Variants in ATG101 observed in about 807,000 individuals in gnomAD.
The protein encoded by ATG101 is autophagy related 101.
In ATG101, 6 loss-of-function variants were observed where a neutral mutation model predicts 16.7. The ratio of observed to expected loss-of-function variants is 0.36; its 90% CI spans 0.20 to 0.71. The LOEUF is 0.71. ATG101 is among the 30% of genes least tolerant of loss of function. The probability of loss-of-function intolerance (pLI) is 0.57; values close to 1 mark genes in which losing one functional copy is unlikely to be tolerated. For missense variants in ATG101, 200 were observed against 292.5 expected, an observed-to-expected ratio of 0.68 and a Z score of 2.31; for synonymous variants, 108 against 118.1, an observed-to-expected ratio of 0.91 and a Z score of 0.56.
At chr12:52,068,572 G>A (rs1482274712), upstream of ATG101, among the ~76,000 whole-genome samples, 1 of 151,886 alleles carries the variant, frequency 6.6e-6, no homozygotes, top group Non-Finnish European at 1.5e-5. Context: ...GACCAGGCTG[G>A]TCTTGAACCC....
intron 2 of ATG101, among the ~76,000 whole-genome samples, chr12:52,073,301 T>C (rs1939678946): frequency 6.6e-6 from 1 of 152,232 alleles, no homozygotes; most frequent in African/African-American, 2.4e-5. Flanking sequence ...GTGCTTGCCT[T>C]TGATGTCTAG....
rs1939748397 is a variant in ATG101 at position 52,077,257 on chromosome 12, G to A, written c.*67G>A. On this transcript the variant is annotated 3_prime_UTR_variant, in exon 4 of 4. Coordinates refer to ENST00000336854, the MANE Select transcript of ATG101 (RefSeq NM_021934.5). ...CTTGGCTTTTGGGAATTGCACTTTT[G>A]GGCCTTTGGGCTCTGGAACCTGCTC... The A allele has an allele frequency of 2.0e-6, 3 of 1,531,288 alleles. No individual in the cohort carries two copies. In the South Asian group the frequency reaches 3.7e-5, roughly 19 times the overall value. The allele number at this position is 1,531,288 out of a possible 1,614,324, so 94.9% of individuals were successfully genotyped here.
In ATG101 at chr12:52,077,352, G is replaced by A. The variant is rs901809194; in HGVS notation, c.*162G>A. On this transcript the variant is annotated 3_prime_UTR_variant, in exon 4 of 4. Coordinates refer to ENST00000336854, the MANE Select transcript of ATG101 (RefSeq NM_021934.5). ...TTGGTTTTGTGGTTGCCAGCCTCAG[G>A]TCATCCTTTTAATCTTTGCTGACGG... 3 of 778,494 alleles carry A rather than the reference G, an allele frequency of 3.9e-6. No individual in the cohort carries two copies. Among genetic ancestry groups the A allele is most frequent in the Admixed American group, 2.9e-5 (1 of 34,328 alleles). 48.2% of individuals were successfully genotyped at this position (778,494 alleles called of 1,614,324 possible).
chr12:52,074,206 T>C (rs1565662033), intron 3 of ATG101, among the ~76,000 whole-genome samples: 1 of 152,254 alleles, frequency 6.6e-6, no homozygotes, highest in Non-Finnish European at 1.5e-5. Context: ...TTCTGTGGTC[T>C]TGACCTCTCT....
intron 2 of ATG101, among the ~76,000 whole-genome samples, chr12:52,071,624 C>T (rs1038392331): frequency 6.6e-6 from 1 of 152,094 alleles, no homozygotes; most frequent in Non-Finnish European, 1.5e-5. Flanking sequence ...CGAGACCAGC[C>T]TGGGTAACAT....
At position 52,073,580 on chromosome 12, in the gene ATG101, C is replaced by T; in HGVS notation, c.-71C>T. 6.4e-7 allele frequency: 1 copy of T among 1,560,876 alleles called. No homozygotes were observed. Among genetic ancestry groups the T allele is most frequent in the Admixed American group, 1.8e-5 (1 of 55,704 alleles). On this transcript the variant is annotated 5_prime_UTR_variant, in exon 3 of 4. Transcript: ENST00000336854. ...GACCTGGGCTCCTTTTGCAGGGTGG[C>T]CCTTGGGTAGGGTGAAGATCCCCTG...
In ATG101 at chr12:52,076,676, T is replaced by C. The variant is rs1592318831; in HGVS notation, c.253-110T>C. On this transcript the variant is annotated intron_variant, in intron 3 of 3. Transcript: ENST00000336854. Reference sequence around the variant, plus strand: ...CCCAGTCTTGTTTCCTTGCCATGCTTGGATGATGACTAGAGCTAAGAGAGC... The same window carrying C: ...CCCAGTCTTGTTTCCTTGCCATGCTCGGATGATGACTAGAGCTAAGAGAGC... The C allele has an allele frequency of 2.3e-6, 3 of 1,296,510 alleles. No homozygotes were observed. The East Asian group carries it at 7.3e-5, about 32-fold the overall frequency. The allele number at this position is 1,296,510 out of a possible 1,614,324, so 80.3% of individuals were successfully genotyped here. A position where few individuals can be genotyped will look rare whatever the true frequency, so the allele number is the denominator to read the frequency against.
chr12:52,067,028 T>C (rs1039692957), upstream of ATG101, among the ~76,000 whole-genome samples: 1 of 152,042 alleles, frequency 6.6e-6, no homozygotes, highest in Non-Finnish European at 1.5e-5. Context: ...TTTCTCTTTC[T>C]CCCAGGAGAG....
Position 52,076,330 on chromosome 12 carries a change from A to T in ATG101, c.253-456A>T, listed in dbSNP as rs1457787374. Among the ~76,000 whole-genome samples, 3 of 152,306 alleles carry T rather than the reference A, an allele frequency of 2.0e-5. No individual in the cohort carries two copies. The South Asian group carries it at 6.2e-4, about 32-fold the overall frequency. On this transcript the variant is annotated intron_variant, in intron 3 of 3. Coordinates refer to ENST00000336854, the MANE Select transcript of ATG101 (RefSeq NM_021934.5). The stretch of plus-strand genomic sequence containing the variant: ...TGCAATGCAAAGGTGAAAAGCAAGG[A>T]TTTAGAAATCAGACAATCCAGATTC...
At chr12:52,075,452 A>G (rs1939717267) in intron 3 of ATG101, among the ~76,000 whole-genome samples, 2 of 152,246 alleles carry the variant, frequency 1.3e-5, no homozygotes, top group South Asian at 4.1e-4. Context: ...AGGACTGAAT[A>G]AGTCAAATAT....
At chr12:52,075,227 G>C (rs1939714082) in intron 3 of ATG101, among the ~76,000 whole-genome samples, 1 of 152,222 alleles carries the variant, frequency 6.6e-6, no homozygotes, top group Non-Finnish European at 1.5e-5. Context: ...GAAAGGGCAA[G>C]TTCATAAGTG....
chr12:52,072,642 T>A (rs1939668355), intron 2 of ATG101, among the ~76,000 whole-genome samples: 1 of 152,200 alleles, frequency 6.6e-6, no homozygotes, highest in Non-Finnish European at 1.5e-5. Flanking sequence ...AGAGTCATGT[T>A]TTTAAAGCCC....
intron 2 of ATG101, 64 bp downstream of exon 2, chr12:52,070,547 T>G (rs1288313842): frequency 6.6e-6 from 1 of 152,440 alleles, no homozygotes; most frequent in Non-Finnish European, 1.5e-5. Context: ...CCTCTGCCAC[T>G]CGGGGGGACA....
At chr12:52,067,235 C>T (rs1939559420), upstream of ATG101, among the ~76,000 whole-genome samples, 1 of 152,216 alleles carries the variant, frequency 6.6e-6, no homozygotes, top group Non-Finnish European at 1.5e-5. Flanking sequence ...CCAGCTGGCA[C>T]TGGCCCTCAA....
At chr12:52,068,627 G>A (rs192441518), upstream of ATG101, among the ~76,000 whole-genome samples, 8 of 152,022 alleles carry the variant, frequency 5.3e-5, no homozygotes, top group Admixed American at 3.3e-4. Flanking sequence ...AAAATGTTGG[G>A]ATCACAGGCG....
upstream of ATG101, among the ~76,000 whole-genome samples, chr12:52,067,906 T>C (rs1939563854): frequency 6.6e-6 from 1 of 151,950 alleles, no homozygotes; most frequent in African/African-American, 2.4e-5. Flanking sequence ...CAATTTCTTA[T>C]CTATATTGCA....
chr12:52,076,766 A>C lies in ATG101; in HGVS notation c.253-20A>C. The C allele has an allele frequency of 6.2e-7, 1 of 1,607,234 alleles. No homozygotes were observed. On this transcript the variant is annotated intron_variant, in intron 3 of 3. Transcript: ENST00000336854. ...GGAACTCAGAGGCCTTGGCTTGCTC[A>C]TTCGTTCCCTTCTTCCCAGGATGCA...
rs1370774464 is a variant in ATG101 at position 52,073,886 on chromosome 12, TTGTTGGGGAGTTCAAGGTAAGGG to T, written c.240_252+10del. 2 of 1,613,446 alleles carry T rather than the reference TTGTTGGGGAGTTCAAGGTAAGGG, an allele frequency of 1.2e-6. No individual in the cohort carries two copies. Among genetic ancestry groups the T allele is most frequent in the African/African-American group, 1.3e-5 (1 of 74,604 alleles). Reference sequence around the variant, plus strand: ...GAACTGGATCGTGCCCTGCGCAAGGTTGTTGGGGAGTTCAAGGTAAGGGTGTCGGGGAGTTCAAGGTAAGGGTG... The same window carrying T: ...GAACTGGATCGTGCCCTGCGCAAGGTTGTCGGGGAGTTCAAGGTAAGGGTG... On this transcript the variant is annotated splice_donor_variant and splice_donor_5th_base_variant and coding_sequence_variant and intron_variant, in exon 3 of 4. Coordinates refer to ENST00000336854, the MANE Select transcript of ATG101 (RefSeq NM_021934.5). LOFTEE classifies it high-confidence loss of function.
upstream of ATG101, among the ~76,000 whole-genome samples, chr12:52,069,040 G>A (rs977873765): frequency 2.7e-5 from 4 of 146,934 alleles, no homozygotes; most frequent in Admixed American, 7.3e-5. Context: ...TCCTATTGGA[G>A]GTGGGTGCAT....
Sources: allele counts gnomAD v4.1 joint callset (sites outside exome capture counted in the v4.1 genomes callset), GRCh38; gene constraint gnomAD v4.1.1; transcripts MANE v1.5; gene names NCBI Gene and HGNC (gene_info 2026-07-23, HGNC 2026-07-21).